Variants in TMTC2 observed in about 807,000 individuals in gnomAD.
TMTC2 encodes the protein protein O-mannosyl-transferase TMTC2.
In TMTC2, 43 loss-of-function variants were observed where a neutral mutation model predicts 82.4. The ratio of observed to expected loss-of-function variants is 0.52; its 90% CI spans 0.41 to 0.67. The LOEUF is 0.67. Ranked by LOEUF, TMTC2 falls within the 30% of genes least tolerant of loss-of-function variation. The pLI, the probability that TMTC2 is intolerant of heterozygous loss-of-function variation, is 0.00. For synonymous variants in TMTC2, 408 were observed against 381.9 expected (o/e 1.07, Z -0.80); for missense variants, 919 against 1,012.4 (o/e 0.91, Z 1.25).
intron 1 of TMTC2, among the ~76,000 whole-genome samples, chr12:82,852,842 A>G (rs933656430): frequency 2.0e-5 from 3 of 152,166 alleles, no homozygotes; most frequent in African/African-American, 7.2e-5. Context: ...ATCCCTTATC[A>G]CTGACCTGCA....
chr12:83,016,043 C>G (rs1358837333), intron 8 of TMTC2, among the ~76,000 whole-genome samples: 1 of 152,146 alleles, frequency 6.6e-6, no homozygotes, highest in Non-Finnish European at 1.5e-5. Context: ...ATTTGTAAGT[C>G]ACAGAAAATT....
At chr12:82,709,082 A>ATTTTT (rs34138059) in intron 1 of TMTC2, among the ~76,000 whole-genome samples, 1 of 141,754 alleles carries the variant, frequency 7.1e-6, no homozygotes. Flanking sequence ...CTGTGATAGG[A>ATTTTT]TTTTTTTTTT....
chr12:82,827,921 C>T (rs1229950220), intron 1 of TMTC2, among the ~76,000 whole-genome samples: 3 of 147,120 alleles, frequency 2.0e-5, no homozygotes, highest in Middle Eastern at 3.4e-3. Context: ...GAGACAGAGT[C>T]TTGCTCTGTC....
chr12:82,716,651 C>T (rs1459520894), intron 1 of TMTC2, among the ~76,000 whole-genome samples: 5 of 152,180 alleles, frequency 3.3e-5, no homozygotes, highest in African/African-American at 9.6e-5. Flanking sequence ...CGTGAGCCAC[C>T]GCGCCCGGCC....
At chr12:82,744,021 C>T (rs1007331114) in intron 1 of TMTC2, among the ~76,000 whole-genome samples, 1 of 152,176 alleles carries the variant, frequency 6.6e-6, no homozygotes, top group Non-Finnish European at 1.5e-5. Context: ...CACCTTTAAT[C>T]CCTGTGCTCT....
chr12:82,780,746 G>A (rs901609788), intron 1 of TMTC2, among the ~76,000 whole-genome samples: 2 of 151,832 alleles, frequency 1.3e-5, no homozygotes, highest in African/African-American at 4.8e-5. Flanking sequence ...CTTAAAGAAG[G>A]CACGTGACAC....
At chr12:82,974,034 T>A (rs750260730) in intron 7 of TMTC2, among the ~76,000 whole-genome samples, 1 of 152,198 alleles carries the variant, frequency 6.6e-6, no homozygotes, top group South Asian at 2.1e-4. Flanking sequence ...TCTTCCTTAT[T>A]CTCTGATTCC....
At chr12:82,742,111 G>A (rs1875442237) in intron 1 of TMTC2, among the ~76,000 whole-genome samples, 1 of 152,114 alleles carries the variant, frequency 6.6e-6, no homozygotes, top group East Asian at 1.9e-4. Context: ...ATAGTTGTCA[G>A]TGCCCTAATG....
At chr12:83,032,254 ATT>A (rs1166468971) in intron 9 of TMTC2, among the ~76,000 whole-genome samples, 15 of 103,368 alleles carry the variant, frequency 1.5e-4, no homozygotes, top group African/African-American at 6.3e-4. Context: ...TATAGAGAAT[ATT>A]TTATATATAT....
chr12:82,885,077 T>C (rs1010395591), intron 2 of TMTC2, among the ~76,000 whole-genome samples: 3 of 151,426 alleles, frequency 2.0e-5, no homozygotes, highest in Non-Finnish European at 2.9e-5. Flanking sequence ...TACTTTTTTT[T>C]TTTTTTGTAG....
chr12:82,729,386 G>T (rs1874642126), intron 1 of TMTC2, among the ~76,000 whole-genome samples: 1 of 152,136 alleles, frequency 6.6e-6, no homozygotes, highest in Admixed American at 6.5e-5. Context: ...CTAGCTAAGG[G>T]TTTGTAAATA....
intron 3 of TMTC2, among the ~76,000 whole-genome samples, chr12:82,921,900 C>T (rs979682725): frequency 1.3e-5 from 2 of 150,974 alleles, no homozygotes. Context: ...GAGTTTTTGA[C>T]CAGCCTGGGC....
intron 11 of TMTC2, among the ~76,000 whole-genome samples, chr12:83,080,399 G>A (rs888130005): frequency 6.6e-6 from 1 of 151,942 alleles, no homozygotes; most frequent in South Asian, 2.1e-4. Context: ...GTGTGTGTGT[G>A]TAATGAATGA....
At chr12:82,915,227 T>C (rs1592624199) in intron 3 of TMTC2, among the ~76,000 whole-genome samples, 1 of 152,202 alleles carries the variant, frequency 6.6e-6, no homozygotes, top group East Asian at 1.9e-4. Flanking sequence ...GTATTGATTA[T>C]AACTCATTTA....
intron 11 of TMTC2, among the ~76,000 whole-genome samples, chr12:83,076,189 A>C (rs1883279212): frequency 6.6e-6 from 1 of 152,048 alleles, no homozygotes; most frequent in African/African-American, 2.4e-5. Flanking sequence ...TTTAAACAAT[A>C]TTTTTTCAAT....
chr12:82,865,136 A>G (rs1871777115), intron 2 of TMTC2, among the ~76,000 whole-genome samples: 1 of 151,752 alleles, frequency 6.6e-6, no homozygotes, highest in African/African-American at 2.4e-5. Flanking sequence ...GAGGCAGGAG[A>G]ATCGCTTGGA....
At chr12:82,820,624 C>T (rs1424040771) in intron 1 of TMTC2, among the ~76,000 whole-genome samples, 5 of 152,178 alleles carry the variant, frequency 3.3e-5, no homozygotes, top group Non-Finnish European at 1.5e-5. Flanking sequence ...ATCTGCCTGC[C>T]TCAGCCTCCC....
At chr12:82,759,167 C>T (rs1184209342) in intron 1 of TMTC2, 4 of 152,170 alleles carry the variant, frequency 2.6e-5, no homozygotes, top group Non-Finnish European at 5.9e-5. Context: ...TTGTTTGAAG[C>T]ACTGTGCTTT....
intron 2 of TMTC2, among the ~76,000 whole-genome samples, chr12:82,884,713 A>G (rs1398675788): frequency 1.3e-5 from 2 of 152,222 alleles, no homozygotes; most frequent in African/African-American, 4.8e-5. Context: ...AGCATCCTGC[A>G]TTAGTGTTGT....
Sources: allele counts gnomAD v4.1 joint callset (sites outside exome capture counted in the v4.1 genomes callset), GRCh38; gene constraint gnomAD v4.1.1; transcripts MANE v1.5; gene names NCBI Gene and HGNC (gene_info 2026-07-23, HGNC 2026-07-21).